Variants in SCNN1A observed in about 807,000 individuals in gnomAD.
The protein encoded by SCNN1A is epithelial sodium channel subunit alpha.
Under a neutral mutation model 68.6 loss-of-function variants are expected in SCNN1A, and 65 were observed. The observed-to-expected ratio is 0.95, with a 90% confidence interval of 0.78 to 1.16. The LOEUF (loss-of-function observed/expected upper bound fraction) is 1.16. Ranked by LOEUF, SCNN1A falls within the 50% of genes most tolerant of loss-of-function variation. The pLI is 0.00. For missense variants in SCNN1A, 880 were observed against 865.9 expected (o/e 1.02, Z -0.20); for synonymous variants, 357 against 353.3 (o/e 1.01, Z -0.12).
intron 8 of SCNN1A, chr12:6,353,755 A>C (rs1350219682): frequency 8.4e-6 from 1 of 119,696 alleles, no homozygotes; most frequent in African/African-American, 3.9e-5. Context: ...TCGCCCGGCT[A>C]ATTTTTTGTA....
intron 4 of SCNN1A, among the ~76,000 whole-genome samples, chr12:6,357,610 T>C (rs182815182): frequency 5.5e-4 from 84 of 152,176 alleles, no homozygotes; most frequent in African/African-American, 2.0e-3. Flanking sequence ...ACCATTTATA[T>C]AAATTAAATA....
intron 8 of SCNN1A, among the ~76,000 whole-genome samples, chr12:6,354,173 G>T (rs1948450587): frequency 6.6e-6 from 1 of 152,014 alleles, no homozygotes; most frequent in African/African-American, 2.4e-5. Context: ...GGAGCTTGCA[G>T]TGAGCCGAGA....
intron 1 of SCNN1A, 153 bp downstream of exon 1, chr12:6,375,352 C>T: frequency 6.9e-7 from 1 of 1,450,128 alleles, no homozygotes; most frequent in South Asian, 1.4e-5. Flanking sequence ...CTGGCCCTGA[C>T]CTCGAGCTGT....
At chr12:6,350,318 G>A (rs967952586) in intron 8 of SCNN1A, among the ~76,000 whole-genome samples, 1 of 151,534 alleles carries the variant, frequency 6.6e-6, no homozygotes, top group Non-Finnish European at 1.5e-5. Flanking sequence ...TGTAGTCCCA[G>A]CTACTCGGGA....
At chr12:6,355,738 A>C in intron 5 of SCNN1A, 39 bp downstream of exon 5, 1 of 1,399,604 alleles carries the variant, frequency 7.1e-7, no homozygotes, top group Non-Finnish European at 1.0e-6. Context: ...TGAGTGGCTG[A>C]AGCAGAGGGC....
intron 8 of SCNN1A, 21 bp downstream of exon 8, chr12:6,354,416 TG>T (rs2136865861): frequency 1.3e-6 from 2 of 1,528,048 alleles, no homozygotes; most frequent in Middle Eastern, 2.3e-4. Flanking sequence ...TGGGGCAGGG[TG>T]GGGGCTCCCT....
In SCNN1A at chr12:6,375,488, C is replaced by T; in HGVS notation, c.-55+17G>A. 1 of 1,535,626 alleles carries T rather than the reference C, an allele frequency of 6.5e-7. No individual in the cohort carries two copies. The highest frequency in any genetic ancestry group is 8.7e-7 in the Non-Finnish European group (1 of 1,146,876). On this transcript the variant is annotated intron_variant, in intron 1 of 12. Transcript: ENST00000228916. ...TTTCCAGTTGAATCTGGCAGCCAAA[C>T]CTCTCCTCCCCCTCACCTGACAGGT... is the stretch of plus-strand genomic sequence containing the variant.
chr12:6,363,345 G>A (rs114004764), intron 3 of SCNN1A, 98 bp downstream of exon 3: 2 of 1,101,162 alleles, frequency 1.8e-6, no homozygotes, highest in Non-Finnish European at 1.2e-6. Context: ...GTGTCACTGG[G>A]CTGCGCGGGC....
intron 2 of SCNN1A, among the ~76,000 whole-genome samples, chr12:6,371,670 A>G (rs1023160419): frequency 5.3e-5 from 8 of 152,052 alleles, no homozygotes. Flanking sequence ...CAGTTTCCTC[A>G]TCCATAAAAT....
chr12:6,359,764 C>CTT (rs59652159), intron 4 of SCNN1A, among the ~76,000 whole-genome samples: 10,217 of 76,916 alleles, frequency 0.13, 1,075 homozygotes, highest in South Asian at 0.18. Flanking sequence ...TCAGATATTC[C>CTT]TTTTTTTTTT....
chr12:6,363,877 T>A, intron 2 of SCNN1A, 167 bp from the exon 3 acceptor site: 1 of 483,306 alleles, frequency 2.1e-6, no homozygotes. Context: ...CGGTGAAGGG[T>A]AAACAGGTGT....
At chr12:6,368,980 A>C (rs1193706539) in intron 2 of SCNN1A, among the ~76,000 whole-genome samples, 1 of 152,216 alleles carries the variant, frequency 6.6e-6, no homozygotes, top group African/African-American at 2.4e-5. Context: ...ATCGACTATC[A>C]GGAAGACACA....
intron 4 of SCNN1A, 98 bp downstream of exon 4, chr12:6,361,953 T>G: frequency 7.3e-7 from 1 of 1,364,540 alleles, no homozygotes; most frequent in Non-Finnish European, 1.0e-6. Flanking sequence ...ATTTTTTTAG[T>G]CAACAAGCAT....
intron 4 of SCNN1A, 41 bp from the exon 5 acceptor site, chr12:6,355,921 A>G (rs1565479494): frequency 1.6e-6 from 2 of 1,229,784 alleles, no homozygotes; most frequent in Non-Finnish European, 2.4e-6. Flanking sequence ...AGGAAAGTGT[A>G]GGTGGTGCAG....
chr12:6,372,917 C>T lies in SCNN1A; in HGVS notation c.416+1451G>A, dbSNP rs565569936. On this transcript the variant is annotated intron_variant, in intron 2 of 12. Coordinates refer to ENST00000228916, the MANE Select transcript of SCNN1A (RefSeq NM_001038.6). The surrounding 1 kb of genome is among the most constrained non-coding windows in gnomAD (Gnocchi z 5.8). ...GGCGTAAACAGGATGAGTCACAGCTCAGTCACTCTCTCTGTGATGTTGTGA... is the reference window on the plus strand; with the variant it reads ...GGCGTAAACAGGATGAGTCACAGCTTAGTCACTCTCTCTGTGATGTTGTGA... 6.6e-6 allele frequency among the ~76,000 whole-genome samples: 1 copy of T among 152,204 alleles called. No homozygotes were observed. The highest frequency in any genetic ancestry group is 1.5e-5 in the Non-Finnish European group (1 of 68,040).
chr12:6,377,193 G>A (rs186991007), upstream of SCNN1A: 571 of 1,467,524 alleles, frequency 3.9e-4, 1 homozygote, highest in Non-Finnish European at 7.7e-5. Context: ...AGTCTCTTGC[G>A]ACTTCTTAAA....
chr12:6,354,668 A>T, intron 7 of SCNN1A, 82 bp downstream of exon 7: 2 of 1,420,518 alleles, frequency 1.4e-6, no homozygotes, highest in Non-Finnish European at 2.0e-6. Flanking sequence ...TCTCTCTCTC[A>T]CATACACAAC....
intron 2 of SCNN1A, among the ~76,000 whole-genome samples, chr12:6,370,363 T>C (rs923373381): frequency 2.0e-5 from 3 of 152,204 alleles, no homozygotes; most frequent in Non-Finnish European, 4.4e-5. Context: ...CTCCTTTCCC[T>C]GCAGCTGGCC....
chr12:6,354,635 T>C, intron 7 of SCNN1A, 80 bp from the exon 8 acceptor site: 1 of 1,417,812 alleles, frequency 7.1e-7, no homozygotes, highest in Non-Finnish European at 1.0e-6. Context: ...CCATCCTCTT[T>C]CCACCACCCC....
Sources: gnomAD v4.1 joint callset for allele counts (sites outside exome capture counted in the v4.1 genomes callset) on GRCh38, gnomAD v4.1.1 for gene constraint, Gnocchi (gnomAD v3.1) non-coding constraint, MANE v1.5 for transcripts, NCBI Gene and HGNC (gene_info 2026-07-23, HGNC 2026-07-21) for gene names.